ALDH1A3: variants seen among roughly 807,000 people sequenced by gnomAD.
ALDH1A3 encodes aldehyde dehydrogenase 1 family member A3, also known as retinaldehyde dehydrogenase 3.
ALDH1A3 carries 28 observed loss-of-function variants against 57.5 expected under a neutral mutation model. That is an observed-to-expected ratio of 0.49 (90% confidence interval 0.36 to 0.67). ALDH1A3 has a LOEUF of 0.67. Ranked by LOEUF, ALDH1A3 falls within the 30% of genes least tolerant of loss-of-function variation. ALDH1A3 has a pLI of 0.00. For missense variants in ALDH1A3, 507 were observed against 669.4 expected (o/e 0.76, Z 2.68); for synonymous variants, 281 against 264.8 (o/e 1.06, Z -0.59).
At chr15:100,881,270 A>C (rs2141543389) in intron 1 of ALDH1A3, 1 of 152,328 alleles carries the variant, frequency 6.6e-6, no homozygotes, top group South Asian at 2.1e-4. Context: ...CTGTAAACTA[A>C]ACGCTGGAAA....
At chr15:100,892,142 G>T (rs1889) in intron 3 of ALDH1A3, 2 of 229,868 alleles carry the variant, frequency 8.7e-6, no homozygotes, top group Non-Finnish European at 1.7e-5. Context: ...AAGCACACAC[G>T]ACTGGCCACA....
chr15:100,911,478 G>A (rs910172948), intron 12 of ALDH1A3, among the ~76,000 whole-genome samples: 10 of 152,246 alleles, frequency 6.6e-5, no homozygotes, highest in African/African-American at 2.2e-4. Flanking sequence ...ATTTGTTAGA[G>A]GTAAACGTTG....
At chr15:100,897,395 G>A (rs924879707) in intron 7 of ALDH1A3, among the ~76,000 whole-genome samples, 5 of 151,316 alleles carry the variant, frequency 3.3e-5, no homozygotes, top group Non-Finnish European at 7.4e-5. Flanking sequence ...ATAAGTCACC[G>A]AGTCATGCTG....
Position 100,900,753 on chromosome 15 carries a change from G to A in ALDH1A3, c.1062G>A (p.Gly354=). 1.2e-6 allele frequency: 2 copies of A among 1,613,882 alleles called. No homozygotes were observed. Among genetic ancestry groups the A allele is most frequent in the Non-Finnish European group, 1.7e-6 (2 of 1,179,918 alleles). Residue 354 remains glycine, a synonymous_variant, in exon 9 of 13, where the codon GGG becomes GGA. Coordinates refer to ENST00000329841, the MANE Select transcript of ALDH1A3 (RefSeq NM_000693.4). ...CCTTCGATGTCAAAACAGAACAGGG[G>A]CCTCAGGTAATCCCCCTGGTGTGTG... ...GDPFDVKTEQ[G]PQIDQKQFDK...
rs746314350 is a variant in ALDH1A3 at position 100,893,935 on chromosome 15, C to T, written c.538-19C>T. ...AGAGGGTGGATCTGGGCCTCCAAAG[C>T]CCCTGTGCTCTGTCGCAGTGGAACT... On this transcript the variant is annotated intron_variant, in intron 5 of 12. Coordinates refer to ENST00000329841, the MANE Select transcript of ALDH1A3 (RefSeq NM_000693.4). The surrounding 1 kb of genome is among the most constrained non-coding windows in gnomAD (Gnocchi z 4.8). 5.0e-6 allele frequency: 8 copies of T among 1,612,920 alleles called. No individual in the cohort carries two copies. The highest frequency in any genetic ancestry group is 6.8e-6 in the Non-Finnish European group (8 of 1,179,466).
In ALDH1A3 at chr15:100,907,252, T is replaced by G. The variant is rs537488955; in HGVS notation, c.1365T>G (p.Ala455=). The change falls in exon 11 of 13, where the codon GCT becomes GCG. Residue 455 remains alanine, a synonymous_variant. Transcript: ENST00000329841. ...TKNLDKALKL[A]SALESGTVWI... is the part of the protein sequence containing the mutation. ...ATCTCGACAAAGCCCTGAAGTTGGC[T>G]TCTGCCTTAGAGTCTGGAACGGTCT... 1.1e-4 allele frequency: 174 copies of G among 1,614,262 alleles called. 2 individuals carry two copies. The South Asian group carries it at 1.8e-3, about 17-fold the overall frequency.
chr15:100,915,672 C>T lies in ALDH1A3; in HGVS notation c.*899C>T, dbSNP rs1173393459. 1 of 152,208 alleles carries T rather than the reference C, an allele frequency of 6.6e-6. No homozygotes were observed. The highest frequency in any genetic ancestry group is 2.4e-5 in the African/African-American group (1 of 41,424). The allele number at this position is 152,208 out of a possible 1,614,324, so 9.4% of individuals were successfully genotyped here. On this transcript the variant is annotated 3_prime_UTR_variant, in exon 13 of 13. Transcript: ENST00000329841. ...TACGCATTTCTATCACGTTCACTAACAGCTTATGATAAGTCTGTGTAGTCT... is the reference window on the plus strand; with the variant it reads ...TACGCATTTCTATCACGTTCACTAATAGCTTATGATAAGTCTGTGTAGTCT...
chr15:100,911,418 C>T (rs560524231), intron 12 of ALDH1A3, among the ~76,000 whole-genome samples: 51 of 152,364 alleles, frequency 3.3e-4, no homozygotes, highest in South Asian at 3.1e-3. Flanking sequence ...AAAAAATCTA[C>T]GCAATAGAGA....
In ALDH1A3 at chr15:100,887,319, C is replaced by T. The variant is rs1266335576; in HGVS notation, c.205-253C>T. 1.3e-5 allele frequency among the ~76,000 whole-genome samples: 2 copies of T among 150,766 alleles called. No individual in the cohort carries two copies. Among genetic ancestry groups the T allele is most frequent in the Non-Finnish European group, 2.9e-5 (2 of 67,912 alleles). On this transcript the variant is annotated intron_variant, in intron 2 of 12. Transcript: ENST00000329841. This position sits in a 1 kb window ranked among gnomAD's most constrained non-coding sequence, Gnocchi z 4.6. ...AAAGATGACACCCAAACTGCAGTCA[C>T]GTCAAAAGATGACACCCAAACTGCA...
At chr15:100,881,894 G>T (rs2041550904) in intron 1 of ALDH1A3, among the ~76,000 whole-genome samples, 1 of 152,248 alleles carries the variant, frequency 6.6e-6, no homozygotes, top group African/African-American at 2.4e-5. Context: ...GTGGACCCAG[G>T]CAGCTTGTGT....
At chr15:100,883,039 CAG>C (rs1221704005) in intron 1 of ALDH1A3, among the ~76,000 whole-genome samples, 1 of 152,058 alleles carries the variant, frequency 6.6e-6, no homozygotes, top group African/African-American at 2.4e-5. Flanking sequence ...CATGAACAAA[CAG>C]TAATTTTTTT....
intron 9 of ALDH1A3, among the ~76,000 whole-genome samples, chr15:100,904,966 A>G (rs527648120): frequency 6.6e-6 from 1 of 152,298 alleles, no homozygotes; most frequent in African/African-American, 2.4e-5. Flanking sequence ...TATTACCCTG[A>G]TTCACGGTGC....
chr15:100,886,163 A>G (rs929113622), intron 2 of ALDH1A3, among the ~76,000 whole-genome samples: 1 of 152,228 alleles, frequency 6.6e-6, no homozygotes, highest in African/African-American at 2.4e-5. Context: ...TATCTTGCCC[A>G]TGAGTTTTTG....
intron 12 of ALDH1A3, 24 bp downstream of exon 12, chr15:100,908,506 C>A: frequency 1.9e-6 from 3 of 1,592,130 alleles, no homozygotes; most frequent in Non-Finnish European, 2.6e-6. Context: ...TCATTCTGAG[C>A]CTGCCGTGGG....
chr15:100,907,376 A>G, intron 11 of ALDH1A3, 98 bp downstream of exon 11: 2 of 1,413,172 alleles, frequency 1.4e-6, no homozygotes, highest in Non-Finnish European at 1.9e-6. Flanking sequence ...TTTACATTGT[A>G]TATTATATAC....
At chr15:100,892,429 C>T (rs896535604) in intron 3 of ALDH1A3, 81 bp from the exon 4 acceptor site, 332 of 1,594,802 alleles carry the variant, frequency 2.1e-4, no homozygotes, top group Non-Finnish European at 2.7e-4. Context: ...GTGTTCTCTC[C>T]CCAACTTCCA....
intron 3 of ALDH1A3, among the ~76,000 whole-genome samples, chr15:100,890,701 G>A (rs2041640167): frequency 6.6e-6 from 1 of 152,132 alleles, no homozygotes; most frequent in Non-Finnish European, 1.5e-5. Flanking sequence ...GCAGAATCTT[G>A]GCTCCATGTC....
At position 100,893,880 on chromosome 15, in the gene ALDH1A3, A is replaced by G. The variant is rs1460973436; in HGVS notation, c.538-74A>G. ...CCATGAAAAGCAAGTGTCCTCCACA[A>G]AGGCATCGTTGAGCACATGGGACAG... is the stretch of plus-strand genomic sequence containing the variant. On this transcript the variant is annotated intron_variant, in intron 5 of 12. Transcript: ENST00000329841. The surrounding 1 kb of genome is among the most constrained non-coding windows in gnomAD (Gnocchi z 4.8). The G allele has an allele frequency of 6.4e-7, 1 of 1,551,212 alleles. No homozygotes were observed. Among genetic ancestry groups the G allele is most frequent in the African/African-American group, 1.4e-5 (1 of 72,666 alleles).
intron 2 of ALDH1A3, among the ~76,000 whole-genome samples, chr15:100,886,854 C>G (rs879406958): frequency 6.6e-6 from 1 of 152,184 alleles, no homozygotes; most frequent in Non-Finnish European, 1.5e-5. Flanking sequence ...AACTGTTCCA[C>G]GATGGTCAGT....
Sources: gnomAD v4.1 joint callset for allele counts (sites outside exome capture counted in the v4.1 genomes callset) on GRCh38, gnomAD v4.1.1 for gene constraint, Gnocchi (gnomAD v3.1) non-coding constraint, MANE v1.5 for transcripts, NCBI Gene and HGNC (gene_info 2026-07-23, HGNC 2026-07-21) for gene names.